LZTFL1: variants seen among roughly 807,000 people sequenced by gnomAD.
LZTFL1 encodes leucine zipper transcription factor like 1, also known as leucine zipper transcription factor-like protein 1.
A neutral mutation model predicts 45.9 loss-of-function variants in LZTFL1; 25 were observed. The observed-to-expected ratio is 0.54, with a 90% CI of 0.40 to 0.76. The LOEUF is 0.76. Ranked by LOEUF, LZTFL1 falls within the 30% of genes least tolerant of loss-of-function variation. The pLI, the probability that LZTFL1 is intolerant of heterozygous loss-of-function variation, is 0.00. For synonymous variants in LZTFL1, 93 were observed against 117.4 expected, an observed-to-expected ratio of 0.79 and a Z score of 1.35; for missense variants, 277 against 331.1, an observed-to-expected ratio of 0.84 and a Z score of 1.27.
chr3:45,841,628 T>C (rs1575263430), intron 1 of LZTFL1: 2 of 349,224 alleles, frequency 5.7e-6, no homozygotes, highest in African/African-American at 2.0e-5. Flanking sequence ...TTGGAGCTTC[T>C]TGAAATAGAG....
intron 2 of LZTFL1, among the ~76,000 whole-genome samples, chr3:45,876,705 G>A (rs538261428): frequency 3.0e-4 from 45 of 152,182 alleles, no homozygotes; most frequent in African/African-American, 1.0e-3. Flanking sequence ...TTTGCCCAGC[G>A]TCACCTAGTA....
chr3:45,902,677 T>C lies in LZTFL1; in HGVS notation c.-215+10443A>G, dbSNP rs537203640. 3 of 167,264 alleles carry C rather than the reference T, an allele frequency of 1.8e-5. No individual in the cohort carries two copies. In the East Asian group the frequency reaches 5.8e-4, roughly 32 times the overall value. 10.4% of individuals were successfully genotyped at this position (167,264 alleles called of 1,614,324 possible). A position where few individuals can be genotyped will look rare whatever the true frequency, so the allele number is the denominator to read the frequency against. The stretch of plus-strand genomic sequence containing the variant: ...CTCCATGGCCTGAGCAGGGAGATTA[T>C]AACAGCTGGGTTCGCAGGAGCCAGC... On this transcript the variant is annotated intron_variant, in intron 2 of 4. Transcript: ENST00000472635.
chr3:45,900,921 C>G lies in LZTFL1; in HGVS notation c.-215+12199G>C. 1 of 1,614,188 alleles carries G rather than the reference C, an allele frequency of 6.2e-7. No homozygotes were observed. The highest frequency in any genetic ancestry group is 8.5e-7 in the Non-Finnish European group (1 of 1,180,038). On this transcript the variant is annotated intron_variant, in intron 2 of 4. Transcript: ENST00000472635. This position sits in a 1 kb window ranked among gnomAD's most constrained non-coding sequence, Gnocchi z 4.7. ...CTACTGTGAGAAAAACAATGTCAGG[C>G]AGTTTGCGAGCCATTTCCTCCCACC...
In LZTFL1 at chr3:45,888,539, T is replaced by C. The variant is rs562234298; in HGVS notation, c.-215+24581A>G. Among the ~76,000 whole-genome samples, 288 of 152,296 alleles carry C rather than the reference T, an allele frequency of 1.9e-3. 1 individual carries two copies. The highest frequency in any genetic ancestry group is 4.3e-3 in the Admixed American group (66 of 15,296). ...AGGTACTCAAGGCACATTGAATAAG[T>C]GGGTTCGATGGATGGCCCATGGCAC... On this transcript the variant is annotated intron_variant, in intron 2 of 4. Transcript: ENST00000472635.
chr3:45,835,798 A>G lies in LZTFL1; in HGVS notation c.129-14T>C, dbSNP rs1413822328. 38 of 1,577,732 alleles carry G rather than the reference A, an allele frequency of 2.4e-5. No individual in the cohort carries two copies. Among genetic ancestry groups the G allele is most frequent in the Non-Finnish European group, 3.1e-5 (36 of 1,157,248 alleles). ...TCCTCCACCAGCCTGAAAAACAACC[A>G]TGATCCAAAACTTATAGAAAAACAA... On this transcript the variant is annotated splice_polypyrimidine_tract_variant and intron_variant, in intron 2 of 9. Coordinates refer to ENST00000296135, the MANE Select transcript of LZTFL1 (RefSeq NM_020347.4).
intron 2 of LZTFL1, among the ~76,000 whole-genome samples, chr3:45,907,767 A>G (rs1479673148): frequency 6.6e-6 from 1 of 152,034 alleles, no homozygotes; most frequent in African/African-American, 2.4e-5. Flanking sequence ...TCTTCTTCCT[A>G]CTGATTGATC....
intron 1 of LZTFL1, among the ~76,000 whole-genome samples, chr3:45,913,437 AATATTAAAGCAG>A (rs1196206751): frequency 6.6e-6 from 1 of 152,232 alleles, no homozygotes; most frequent in Non-Finnish European, 1.5e-5. Flanking sequence ...CAATTCTCCA[AATATTAAAGCAG>A]ATATATGAAC....
intron 2 of LZTFL1, among the ~76,000 whole-genome samples, chr3:45,908,051 A>C (rs1702715050): frequency 6.6e-6 from 1 of 152,208 alleles, no homozygotes; most frequent in African/African-American, 2.4e-5. Flanking sequence ...GACCTATAGG[A>C]AGCAGGGGAG....
intron 1 of LZTFL1, 65 bp downstream of exon 1, chr3:45,841,924 G>T: frequency 6.3e-7 from 1 of 1,585,676 alleles, no homozygotes; most frequent in Non-Finnish European, 8.6e-7. Context: ...CACCCGCTCA[G>T]TGTCTCCAGC....
chr3:45,897,524 G>T lies in LZTFL1; in HGVS notation c.-215+15596C>A, dbSNP rs17764980. ...AGAAAGCTGGGTCACCCAGGTCCTG[G>T]GATTTCTGCACAATTTCTCCCATTC... On this transcript the variant is annotated intron_variant, in intron 2 of 4. Coordinates refer to the LZTFL1 transcript ENST00000472635. The T allele has an allele frequency of 2.1e-6, 3 of 1,416,452 alleles. No homozygotes were observed. In the African/African-American group the frequency reaches 4.2e-5, roughly 20 times the overall value. 87.7% of individuals were successfully genotyped at this position (1,416,452 alleles called of 1,614,324 possible). A position where few individuals can be genotyped will look rare whatever the true frequency, so the allele number is the denominator to read the frequency against.
At chr3:45,904,709 G>A (rs1482220892) in intron 2 of LZTFL1, among the ~76,000 whole-genome samples, 1 of 152,196 alleles carries the variant, frequency 6.6e-6, no homozygotes. Context: ...CAAGGCTTTC[G>A]TGAAGCATTC....
At chr3:45,913,304 AC>A (rs1421929851) in intron 1 of LZTFL1, 6 of 675,142 alleles carry the variant, frequency 8.9e-6, no homozygotes, top group African/African-American at 1.8e-5. Flanking sequence ...AAGATCCTTA[AC>A]TTTTTTTTTT....
intron 2 of LZTFL1, among the ~76,000 whole-genome samples, chr3:45,883,143 G>T (rs1360308898): frequency 2.6e-5 from 4 of 152,192 alleles, no homozygotes; most frequent in African/African-American, 9.6e-5. Flanking sequence ...CCTAGAATAT[G>T]TAACCATCAG....
intron 2 of LZTFL1, among the ~76,000 whole-genome samples, chr3:45,891,145 C>A (rs973382844): frequency 6.6e-6 from 1 of 152,188 alleles, no homozygotes; most frequent in African/African-American, 2.4e-5. Flanking sequence ...GTTTTCCTGG[C>A]CCCCAGAGGG....
intron 3 of LZTFL1, chr3:45,834,621 T>C (rs1700916401): frequency 5.2e-6 from 1 of 192,278 alleles, no homozygotes; most frequent in Admixed American, 5.6e-5. Context: ...ATGAGGAGAC[T>C]GTTTTATTAC....
chr3:45,880,160 G>T (rs145308920), intron 2 of LZTFL1, among the ~76,000 whole-genome samples: 1 of 152,150 alleles, frequency 6.6e-6, no homozygotes, highest in African/African-American at 2.4e-5. Context: ...AGAACCAAAG[G>T]TTTTGCTGTT....
In LZTFL1 at chr3:45,842,017, A is replaced by G; in HGVS notation, c.-26T>C. 6.2e-7 allele frequency: 1 copy of G among 1,608,130 alleles called. No homozygotes were observed. The highest frequency in any genetic ancestry group is 1.7e-4 in the Middle Eastern group (1 of 6,052). ...GGCGGCAGGCAGCGGCGGCAGCCTA[A>G]AGGAACGGGAGAGGCCAGGCGGTGC... On this transcript the variant is annotated 5_prime_UTR_variant, in exon 1 of 10. Coordinates refer to ENST00000296135, the MANE Select transcript of LZTFL1 (RefSeq NM_020347.4).
chr3:45,846,790 G>A (rs1270535020), upstream of LZTFL1, among the ~76,000 whole-genome samples: 6 of 152,056 alleles, frequency 3.9e-5, no homozygotes, highest in African/African-American at 1.2e-4. Flanking sequence ...AGAGTTGGAG[G>A]AGGTGGAAGG....
intron 5 of LZTFL1, chr3:45,832,594 C>G (rs1031063609): frequency 6.6e-6 from 1 of 151,374 alleles, no homozygotes; most frequent in South Asian, 2.1e-4. Context: ...TGGAGTCTCG[C>G]TCTGTCGCCC....
Sources: allele counts gnomAD v4.1 joint callset (sites outside exome capture counted in the v4.1 genomes callset), GRCh38; gene constraint gnomAD v4.1.1; non-coding constraint Gnocchi (gnomAD v3.1); transcripts MANE v1.5; gene names NCBI Gene and HGNC (gene_info 2026-07-23, HGNC 2026-07-21).